The following RGS20 variants were observed in gnomAD, a reference collection of about 807,000 sequenced individuals.
The protein encoded by RGS20 is regulator of G protein signaling 20, also known as gz-selective GTPase-activating protein.
In RGS20, 30 loss-of-function variants were observed where a neutral mutation model predicts 33.6. The ratio of observed to expected loss-of-function variants is 0.89; its 90% CI spans 0.67 to 1.21. RGS20 has a LOEUF of 1.21. RGS20 is among the 50% of genes most tolerant of loss of function. RGS20 has a pLI of 0.00. For synonymous variants in RGS20, 208 were observed against 197.9 expected (o/e 1.05, Z -0.43); for missense variants, 472 against 502.4 (o/e 0.94, Z 0.58).
chr8:53,948,241 TATATG>T lies in RGS20; in HGVS notation c.743+1497_743+1501del, dbSNP rs1389917664. Among the ~76,000 whole-genome samples the T allele has an allele frequency of 5.1e-3, 711 of 138,622 alleles. 1 individual carries two copies. The highest frequency in any genetic ancestry group is 8.0e-3 in the Non-Finnish European group (526 of 66,082). The allele number at this position is 138,622 out of a possible 152,430, so 90.9% of individuals were successfully genotyped here. A position where few individuals can be genotyped will look rare whatever the true frequency, so the allele number is the denominator to read the frequency against. ...AGTATATATATTTATATATGCTATA[TATATG>T]ATAGTATATATACTATATGTAAGTT... On this transcript the variant is annotated intron_variant, in intron 4 of 5. Coordinates refer to ENST00000297313, the MANE Select transcript of RGS20 (RefSeq NM_170587.4).
chr8:53,861,059 A>G (rs1300470290), intron 1 of RGS20, among the ~76,000 whole-genome samples: 2 of 152,194 alleles, frequency 1.3e-5, no homozygotes, highest in Non-Finnish European at 2.9e-5. Flanking sequence ...AGTGATTGCA[A>G]CTTTAAACCA....
chr8:53,858,567 A>T (rs1410232134), intron 1 of RGS20, among the ~76,000 whole-genome samples: 4 of 152,036 alleles, frequency 2.6e-5, no homozygotes, highest in Non-Finnish European at 5.9e-5. Flanking sequence ...CATAATGTGT[A>T]TTTGTGCTTT....
intron 2 of RGS20, among the ~76,000 whole-genome samples, chr8:53,932,782 G>C (rs1814009417): frequency 6.6e-6 from 1 of 152,200 alleles, no homozygotes; most frequent in African/African-American, 2.4e-5. Flanking sequence ...CTAAGGGACA[G>C]ACTGCCTCCT....
intron 2 of RGS20, among the ~76,000 whole-genome samples, chr8:53,936,299 G>C (rs1814132774): frequency 6.6e-6 from 1 of 152,100 alleles, no homozygotes; most frequent in African/African-American, 2.4e-5. Flanking sequence ...GGAAGAGAGA[G>C]AGTCAAATTA....
chr8:53,853,792 C>A (rs1811616740), intron 1 of RGS20, among the ~76,000 whole-genome samples: 2 of 152,164 alleles, frequency 1.3e-5, no homozygotes, highest in South Asian at 4.1e-4. Context: ...ATATTATCAG[C>A]ATGACTCATG....
At chr8:53,881,418 A>G (rs1350480236) in intron 2 of RGS20, among the ~76,000 whole-genome samples, 1 of 152,062 alleles carries the variant, frequency 6.6e-6, no homozygotes, top group African/African-American at 2.4e-5. Context: ...TTTAGACCCT[A>G]GAAATCGCAT....
chr8:53,868,759 AT>A (rs747634845), intron 1 of RGS20, among the ~76,000 whole-genome samples: 164 of 147,028 alleles, frequency 1.1e-3, no homozygotes, highest in African/African-American at 2.8e-3. Context: ...GGACAAATGC[AT>A]TTTTTTTTTT....
chr8:53,900,395 G>T (rs553637947), intron 2 of RGS20, among the ~76,000 whole-genome samples: 3 of 152,050 alleles, frequency 2.0e-5, no homozygotes, highest in Non-Finnish European at 4.4e-5. Context: ...ACCTGCCTCA[G>T]CCTCCCAAAG....
intron 2 of RGS20, chr8:53,880,908 A>G: frequency 3.9e-6 from 6 of 1,531,310 alleles, no homozygotes; most frequent in African/African-American, 2.7e-5. Context: ...GAAGAGGGCT[A>G]GAGCAAAGAC....
chr8:53,879,833 C>T (rs889874933), intron 2 of RGS20: 1 of 438,390 alleles, frequency 2.3e-6, no homozygotes, highest in Non-Finnish European at 4.0e-6. Context: ...TTTCCTGGGC[C>T]ATTTCCTTTC....
In RGS20 at chr8:53,883,350, G is replaced by C. The variant is rs1002069593; in HGVS notation, c.510+3748G>C. Among the ~76,000 whole-genome samples, 6 of 152,052 alleles carry C rather than the reference G, an allele frequency of 3.9e-5. No homozygotes were observed. In the East Asian group the frequency reaches 1.2e-3, roughly 30 times the overall value. Reference sequence around the variant, plus strand: ...GCTAATTTTTTGTATTTTTAGTGGAGACGGGGTTTCTCCATGTTGGTCAGG... The same window carrying C: ...GCTAATTTTTTGTATTTTTAGTGGACACGGGGTTTCTCCATGTTGGTCAGG... On this transcript the variant is annotated intron_variant, in intron 2 of 5. Coordinates refer to ENST00000297313, the MANE Select transcript of RGS20 (RefSeq NM_170587.4).
chr8:53,914,629 C>T (rs1268961844), intron 2 of RGS20: 1 of 152,132 alleles, frequency 6.6e-6, no homozygotes, highest in Non-Finnish European at 1.5e-5. Flanking sequence ...CCCCTCCTCT[C>T]CCCTCAACTC....
intron 2 of RGS20, among the ~76,000 whole-genome samples, chr8:53,917,418 G>A (rs970700470): frequency 2.0e-5 from 3 of 152,024 alleles, no homozygotes; most frequent in African/African-American, 4.8e-5. Context: ...CAAAGTGCAG[G>A]GATTATAGGC....
chr8:53,887,375 C>A, intron 2 of RGS20: 1 of 221,906 alleles, frequency 4.5e-6, no homozygotes. Flanking sequence ...AGGAGGAATT[C>A]GTTCCTTATC....
chr8:53,952,778 A>C (rs1814747658), intron 4 of RGS20, among the ~76,000 whole-genome samples: 1 of 152,172 alleles, frequency 6.6e-6, no homozygotes. Flanking sequence ...TCAGGATTAC[A>C]TACATACATT....
intron 2 of RGS20, among the ~76,000 whole-genome samples, chr8:53,896,314 A>G (rs1812861073): frequency 6.6e-6 from 1 of 152,134 alleles, no homozygotes; most frequent in Admixed American, 6.6e-5. Flanking sequence ...TGACACATGA[A>G]AATTTTACAG....
chr8:53,946,898 T>G (rs1033305709), intron 4 of RGS20, 150 bp downstream of exon 3: 27 of 567,766 alleles, frequency 4.8e-5, no homozygotes, highest in African/African-American at 3.5e-4. Context: ...ATTCCTCCCC[T>G]GCAGAATTCC....
chr8:53,932,602 T>A (rs1814004500), intron 2 of RGS20, among the ~76,000 whole-genome samples: 1 of 152,130 alleles, frequency 6.6e-6, no homozygotes, highest in Admixed American at 6.5e-5. Context: ...GGATAGGGCA[T>A]CTCTGAAAGA....
chr8:53,955,272 G>T (rs1464025122), intron 5 of RGS20, among the ~76,000 whole-genome samples: 1 of 151,722 alleles, frequency 6.6e-6, no homozygotes, highest in East Asian at 2.0e-4. Flanking sequence ...TCTGGAAAAA[G>T]TATCCCCTGG....
Sources: gnomAD v4.1 joint callset for allele counts (sites outside exome capture counted in the v4.1 genomes callset) on GRCh38, gnomAD v4.1.1 for gene constraint, MANE v1.5 for transcripts, NCBI Gene and HGNC (gene_info 2026-07-23, HGNC 2026-07-21) for gene names.